The following TDRD10 variants were observed in gnomAD, a reference collection of about 807,000 sequenced individuals.
The protein encoded by TDRD10 is tudor domain containing 10, also known as tudor domain-containing protein 10.
Under a neutral mutation model 48.0 loss-of-function variants are expected in TDRD10, and 40 were observed. The ratio of observed to expected loss-of-function variants is 0.83; its 90% CI spans 0.65 to 1.09. TDRD10 has a LOEUF of 1.09. Ranked by LOEUF, TDRD10 falls within the 50% of genes least tolerant of loss-of-function variation. The probability of loss-of-function intolerance (pLI) is 0.00; values close to 1 mark genes in which losing one functional copy is unlikely to be tolerated. For missense variants in TDRD10, 378 were observed against 434.7 expected (o/e 0.87, Z 1.16); for synonymous variants, 162 against 170.4 (o/e 0.95, Z 0.38).
chr1:154,511,429 T>C (rs1194353071), intron 4 of TDRD10, among the ~76,000 whole-genome samples: 1 of 150,752 alleles, frequency 6.6e-6, no homozygotes, highest in African/African-American at 2.4e-5. Context: ...ATGTCAGGAG[T>C]TTGAGACCAG....
At chr1:154,545,630 A>G (rs1028311911) in intron 11 of TDRD10, among the ~76,000 whole-genome samples, 1 of 152,034 alleles carries the variant, frequency 6.6e-6, no homozygotes, top group Non-Finnish European at 1.5e-5. Context: ...GCTGGAGTGC[A>G]GTGGCATAAT....
In TDRD10 at chr1:154,548,144, A is replaced by C; in HGVS notation, c.*434A>C. ...GAGCAAATAAATGTTGGCATGTTTC[A>C]TGAGTTTGGAGTGATTGATACTTCT... On this transcript the variant is annotated 3_prime_UTR_variant, in exon 13 of 13. Transcript: ENST00000368482. 4.8e-6 allele frequency: 1 copy of C among 210,358 alleles called. No individual in the cohort carries two copies. Among genetic ancestry groups the C allele is most frequent in the Non-Finnish European group, 9.7e-6 (1 of 103,428 alleles). The allele number at this position is 210,358 out of a possible 1,614,324, so 13.0% of individuals were successfully genotyped here. A position where few individuals can be genotyped will look rare whatever the true frequency, so the allele number is the denominator to read the frequency against.
Position 154,521,385 on chromosome 1 carries a change from G to C in TDRD10, c.275G>C (p.Gly92Ala). Residue 92 changes from glycine to alanine, a missense_variant, in exon 6 of 13, where the codon GGT becomes GCT. Gly to Ala is a moderately conservative substitution (Grantham distance 60, BLOSUM62 0). This residue lies in a region of TDRD10 where 310 missense variants were observed against 323.6 expected (regional missense o/e 0.96). Transcript: ENST00000368482. ...KVTLAIQELN[G>A]KLFHKRKLFV... ...ACACTTGCAATCCAGGAGCTGAATG[G>C]TAAACTCTTCCACAAGCGAAAACTG... 1 of 1,614,166 alleles carries C rather than the reference G, an allele frequency of 6.2e-7. No individual in the cohort carries two copies. Among genetic ancestry groups the C allele is most frequent in the Non-Finnish European group, 8.5e-7 (1 of 1,180,022 alleles).
intron 6 of TDRD10, among the ~76,000 whole-genome samples, chr1:154,537,154 G>A (rs139695587): frequency 3.9e-5 from 6 of 152,244 alleles, no homozygotes; most frequent in African/African-American, 1.4e-4. Context: ...GCTCCACTCA[G>A]CAGTCACCAC....
chr1:154,541,390 C>T (rs199851873), intron 6 of TDRD10, among the ~76,000 whole-genome samples: 4 of 151,670 alleles, frequency 2.6e-5, no homozygotes, highest in East Asian at 3.9e-4. Flanking sequence ...GGGTTGTGGG[C>T]GTTTTGAAGA....
chr1:154,520,381 A>C lies in TDRD10; in HGVS notation c.212+7A>C, dbSNP rs1693993882. 1.2e-6 allele frequency: 2 copies of C among 1,610,744 alleles called. No individual in the cohort carries two copies. Among genetic ancestry groups the C allele is most frequent in the Non-Finnish European group, 1.7e-6 (2 of 1,177,138 alleles). ...TCCAGAATGGCTGCAAATGGTAATG[A>C]CTGTTCTTTCTTTGTTTTCTTTGGG... is the stretch of plus-strand genomic sequence containing the variant. On this transcript the variant is annotated splice_region_variant and intron_variant, in intron 5 of 12. Coordinates refer to ENST00000368482, the MANE Select transcript of TDRD10 (RefSeq NM_182499.4).
chr1:154,511,905 T>G (rs761875062), intron 4 of TDRD10, among the ~76,000 whole-genome samples: 1 of 151,992 alleles, frequency 6.6e-6, no homozygotes, highest in Non-Finnish European at 1.5e-5. Flanking sequence ...GGCACACACC[T>G]GTAATCCTAG....
At chr1:154,547,615 G>T (rs1695679197) in intron 12 of TDRD10, 63 bp from the exon 13 acceptor site, 4 of 1,614,190 alleles carry the variant, frequency 2.5e-6, no homozygotes, top group Admixed American at 1.7e-5. Flanking sequence ...GTTATCTGAG[G>T]GGTTGGGTGA....
intron 6 of TDRD10, among the ~76,000 whole-genome samples, chr1:154,540,693 A>G (rs1342802964): frequency 6.6e-6 from 1 of 152,060 alleles, no homozygotes; most frequent in African/African-American, 2.4e-5. Flanking sequence ...CCAGAGAATG[A>G]TGAGGGCTGG....
In TDRD10 at chr1:154,548,003, T is replaced by C. The variant is rs1043333823; in HGVS notation, c.*293T>C. On this transcript the variant is annotated 3_prime_UTR_variant, in exon 13 of 13. Coordinates refer to ENST00000368482, the MANE Select transcript of TDRD10 (RefSeq NM_182499.4). ...GCTGGGATGGTCTTTCTTGTGTCTC[T>C]TCTTTGCACCCCAGAGCATGATATA... The C allele has an allele frequency of 7.4e-5, 38 of 512,386 alleles. No homozygotes were observed. The highest frequency in any genetic ancestry group is 6.9e-4 in the African/African-American group (36 of 52,246). The allele number at this position is 512,386 out of a possible 1,614,324, so 31.7% of individuals were successfully genotyped here.
rs762550870 is a variant in TDRD10 at position 154,544,957 on chromosome 1, ATCTTC to A, written c.952+10_952+14del. On this transcript the variant is annotated intron_variant, in intron 11 of 12. Transcript: ENST00000368482. ...CATTCATGCTGGAGAAAGGTGAGACATCTTCTATCTTCCTCCCAAGGGTTTCAGGG... is the reference window on the plus strand; with the variant it reads ...CATTCATGCTGGAGAAAGGTGAGACATATCTTCCTCCCAAGGGTTTCAGGG... 96 of 1,613,556 alleles carry A rather than the reference ATCTTC, an allele frequency of 5.9e-5. No homozygotes were observed. The highest frequency in any genetic ancestry group is 7.8e-5 in the Non-Finnish European group (92 of 1,179,766).
chr1:154,546,508 TA>T (rs1222420259), intron 11 of TDRD10, among the ~76,000 whole-genome samples: 1 of 145,896 alleles, frequency 6.9e-6, no homozygotes, highest in African/African-American at 2.5e-5. Context: ...TATATATATT[TA>T]AAGATGGAAA....
intron 4 of TDRD10, chr1:154,509,854 T>G: frequency 3.0e-6 from 3 of 985,416 alleles, no homozygotes; most frequent in Non-Finnish European, 3.6e-6. Context: ...ATGTGGTTCC[T>G]GCAGTGGTCT....
At chr1:154,518,260 C>T (rs1693874863) in intron 4 of TDRD10, among the ~76,000 whole-genome samples, 1 of 152,126 alleles carries the variant, frequency 6.6e-6, no homozygotes, top group South Asian at 2.1e-4. Flanking sequence ...GAATTATGGA[C>T]AATACTTCTA....
intron 6 of TDRD10, among the ~76,000 whole-genome samples, chr1:154,532,129 G>A (rs555796394): frequency 2.0e-5 from 3 of 152,364 alleles, no homozygotes; most frequent in East Asian, 3.9e-4. Flanking sequence ...ACCAGGTGCT[G>A]TGGAGCAGGG....
intron 6 of TDRD10, among the ~76,000 whole-genome samples, chr1:154,526,927 TAGAC>T (rs1476020116): frequency 6.0e-4 from 90 of 149,920 alleles, no homozygotes; most frequent in African/African-American, 2.1e-3. Flanking sequence ...AATTATTTTT[TAGAC>T]AGAGTCTCGC....
intron 6 of TDRD10, among the ~76,000 whole-genome samples, chr1:154,530,096 C>T (rs1241919014): frequency 2.0e-5 from 3 of 152,068 alleles, no homozygotes; most frequent in African/African-American, 7.2e-5. Context: ...CTCACTGCAA[C>T]CTCCGCCTCC....
intron 11 of TDRD10, among the ~76,000 whole-genome samples, chr1:154,545,927 ATTTTTTTTTTT>A (rs559924225): frequency 1.1e-4 from 9 of 85,498 alleles, no homozygotes; most frequent in African/African-American, 4.5e-4. Context: ...CACCCAGCTA[ATTTTTTTTTTT>A]TTTTTTTTTT....
chr1:154,547,547 C>G (rs372969215), intron 12 of TDRD10, 68 bp downstream of exon 12: 4 of 1,614,246 alleles, frequency 2.5e-6, no homozygotes, highest in African/African-American at 2.7e-5. Context: ...CTGCAGCAGG[C>G]TGCTGCCTAG....
Sources: gnomAD v4.1 joint callset for allele counts (sites outside exome capture counted in the v4.1 genomes callset) on GRCh38, gnomAD v4.1.1 for gene constraint, gnomAD v4.1.1 regional missense constraint, MANE v1.5 for transcripts, NCBI Gene and HGNC (gene_info 2026-07-23, HGNC 2026-07-21) for gene names.